MTM1: variants seen among roughly 807,000 people sequenced by gnomAD.
MTM1 encodes the protein myotubularin 1.
Under a neutral mutation model 52.1 loss-of-function variants are expected in MTM1, and 9 were observed. The observed-to-expected ratio is 0.17, with a 90% CI of 0.10 to 0.30. MTM1 has a LOEUF of 0.30. MTM1 is among the 10% of genes least tolerant of loss of function. The pLI is 1.00. For synonymous variants in MTM1, 136 were observed against 163.8 expected, an observed-to-expected ratio of 0.83 and a Z score of 1.29; for missense variants, 277 against 470.7, an observed-to-expected ratio of 0.59 and a Z score of 3.81.
chrX:150,648,225 C>A (rs1569565512), intron 9 of MTM1, among the ~76,000 whole-genome samples: 1 of 111,577 alleles, frequency 9.0e-6, no homozygotes, highest in African/African-American at 3.3e-5. Context: ...CTTTAGAGAC[C>A]AAGATCTCTG....
intron 2 of MTM1, among the ~76,000 whole-genome samples, chrX:150,594,742 T>C (rs1231603589): frequency 8.9e-6 from 1 of 112,337 alleles, no homozygotes; most frequent in Non-Finnish European, 1.9e-5. Context: ...TCCCATGTTA[T>C]CCTGTTTTAA....
intron 1 of MTM1, 99 bp from the exon 2 acceptor site, chrX:150,592,506 A>G: frequency 1.6e-6 from 1 of 620,529 alleles, no homozygotes; most frequent in African/African-American, 2.2e-5. Context: ...GTAAAGTAGT[A>G]CCGTTTGCTC....
chrX:150,624,573 CAT>C (rs1557413365), intron 6 of MTM1, among the ~76,000 whole-genome samples: 1 of 111,976 alleles, frequency 8.9e-6, no homozygotes, highest in African/African-American at 3.3e-5. Flanking sequence ...AGATAATACA[CAT>C]ATTAGATGAG....
chrX:150,568,499 C>G (rs1467519954), upstream of MTM1: 1 of 113,801 alleles, frequency 8.8e-6, no homozygotes, highest in Non-Finnish European at 1.9e-5. Context: ...ACTCTTCCTG[C>G]CCCCTGCCCC....
intron 6 of MTM1, among the ~76,000 whole-genome samples, chrX:150,624,729 C>T (rs782439337): frequency 1.4e-4 from 16 of 111,606 alleles, no homozygotes; most frequent in Non-Finnish European, 2.8e-4. Flanking sequence ...CATTTCTCTC[C>T]GGTGTATGTG....
intron 1 of MTM1, among the ~76,000 whole-genome samples, chrX:150,571,839 CCTT>C (rs782113979): frequency 1.8e-5 from 2 of 111,652 alleles, no homozygotes; most frequent in East Asian, 2.8e-4. Context: ...GCAAGAGAGG[CCTT>C]CTTCTAGTTT....
Position 150,649,811 on chromosome X carries a change from A to T in MTM1, c.963A>T (p.Leu321Phe), listed in dbSNP as rs782645058. Residue 321 changes from leucine (L) to phenylalanine (F), a missense_variant, in exon 10 of 15, where the codon TTA becomes TTT. Physicochemically the swap from Leu to Phe is conservative, Grantham distance 22. Around this residue, in one of 4 missense-constraint regions of MTM1, gnomAD observed 164 missense variants for 283.3 expected, o/e 0.58. Transcript: ENST00000370396. ...ATATTCATGTTATGCGGGAATCTTTAAAAAAAGTGAAGGACATTGTTTATC... is the reference window on the plus strand; with the variant it reads ...ATATTCATGTTATGCGGGAATCTTTTAAAAAAGTGAAGGACATTGTTTATC... ...IHNIHVMRES[L>F]KKVKDIVYPN... 2 of 1,208,893 alleles carry T rather than the reference A, an allele frequency of 1.7e-6. No homozygotes were observed. Among genetic ancestry groups the T allele is most frequent in the East Asian group, 5.9e-5 (2 of 33,788 alleles).
At position 150,657,627 on chromosome X, in the gene MTM1, A is replaced by G. The variant is rs782012838; in HGVS notation, c.1054-194A>G. 3.6e-5 allele frequency among the ~76,000 whole-genome samples: 4 copies of G among 111,579 alleles called. No individual in the cohort carries two copies. In the East Asian group the frequency reaches 1.1e-3, roughly 31 times the overall value. The stretch of plus-strand genomic sequence containing the variant: ...GAACTTAAAGTATAATTTAAAAAAA[A>G]AAGAAGAAAAGAAAACAAATGCAGC... On this transcript the variant is annotated intron_variant, in intron 10 of 14. Transcript: ENST00000370396.
intron 1 of MTM1, among the ~76,000 whole-genome samples, chrX:150,584,494 AACTT>A (rs1186994207): frequency 4.5e-5 from 5 of 111,252 alleles, no homozygotes; most frequent in Non-Finnish European, 9.4e-5. Flanking sequence ...ACTGATGACT[AACTT>A]CTCCAAAGTC....
intron 1 of MTM1, among the ~76,000 whole-genome samples, chrX:150,583,348 AT>A (rs1216561874): frequency 2.1e-4 from 9 of 43,820 alleles, no homozygotes; most frequent in Admixed American, 4.9e-4. Context: ...ATTATATATA[AT>A]TATAAATATA....
chrX:150,658,267 A>G lies in MTM1; in HGVS notation c.1260+240A>G, dbSNP rs147799230. 0.018 allele frequency among the ~76,000 whole-genome samples: 2,068 copies of G among 112,304 alleles called. 54 individuals are homozygous for G. The highest frequency in any genetic ancestry group is 0.063 in the African/African-American group (1,941 of 30,888). ...ACAAAGAATCTTCATAGAAATGTTT[A>G]CATTGAAATTTCATAAGAGAAGGAA... On this transcript the variant is annotated intron_variant, in intron 11 of 14. Transcript: ENST00000370396.
At chrX:150,581,553 G>C (rs1264522288) in intron 1 of MTM1, among the ~76,000 whole-genome samples, 1 of 111,840 alleles carries the variant, frequency 8.9e-6, no homozygotes, top group African/African-American at 3.3e-5. Context: ...CCTATTTGTT[G>C]ACTCATCTTT....
chrX:150,659,513 A>T (rs1427137326), intron 11 of MTM1, 151 bp from the exon 12 acceptor site: 5 of 477,321 alleles, frequency 1.0e-5, no homozygotes, highest in Non-Finnish European at 1.5e-5. Flanking sequence ...TACATTGCCT[A>T]TATTGCCATG....
intron 4 of MTM1, among the ~76,000 whole-genome samples, chrX:150,611,792 T>G (rs1336307565): frequency 9.8e-5 from 11 of 112,267 alleles, no homozygotes; most frequent in African/African-American, 3.6e-4. Context: ...AGAGTCGCGC[T>G]ATCCCTCCCC....
chrX:150,636,353 C>T (rs2039753880), intron 6 of MTM1, among the ~76,000 whole-genome samples: 1 of 111,329 alleles, frequency 9.0e-6, no homozygotes, highest in African/African-American at 3.3e-5. Flanking sequence ...TTTCTGATAA[C>T]AATTTTATAA....
chrX:150,580,925 C>T (rs992743782), intron 1 of MTM1, among the ~76,000 whole-genome samples: 1 of 111,957 alleles, frequency 8.9e-6, no homozygotes, highest in Non-Finnish European at 1.9e-5. Flanking sequence ...CCAACATTCT[C>T]AACAATCAAA....
At position 150,672,147 on chromosome X, in the gene MTM1, T is replaced by C. The variant is rs1438868558; in HGVS notation, c.*552T>C. 8.9e-6 allele frequency: 1 copy of C among 112,150 alleles called. No homozygotes were observed. The highest frequency in any genetic ancestry group is 1.9e-5 in the Non-Finnish European group (1 of 53,215). 9.2% of individuals were successfully genotyped at this position (112,150 alleles called of 1,213,427 possible). ...GAGTGGTGACTTAAGGAGAAATAGC[T>C]GTATAGATGAGTTTTTCATTATTTG... On this transcript the variant is annotated 3_prime_UTR_variant, in exon 15 of 15. Coordinates refer to ENST00000370396, the MANE Select transcript of MTM1 (RefSeq NM_000252.3).
intron 10 of MTM1, among the ~76,000 whole-genome samples, chrX:150,650,259 GT>G (rs2039997682): frequency 9.2e-6 from 1 of 108,301 alleles, no homozygotes; most frequent in African/African-American, 3.4e-5. Flanking sequence ...TTTTTTTGTT[GT>G]TTTTTGTTTT....
chrX:150,606,870 C>CTTCCCTGGG (rs1569565414), intron 4 of MTM1, among the ~76,000 whole-genome samples: 2 of 80,310 alleles, frequency 2.5e-5, no homozygotes. Context: ...TCTTCCCTTC[C>CTTCCCTGGG]TTCCCTCCCT....
Sources: allele counts gnomAD v4.1 joint callset (sites outside exome capture counted in the v4.1 genomes callset), GRCh38; gene constraint gnomAD v4.1.1; regional missense constraint gnomAD v4.1.1; transcripts MANE v1.5; gene names NCBI Gene and HGNC (gene_info 2026-07-23, HGNC 2026-07-21).